KCNIP4: variants seen among roughly 807,000 people sequenced by gnomAD.
The protein encoded by KCNIP4 is Kv channel-interacting protein 4.
KCNIP4 carries 12 observed loss-of-function variants against 34.0 expected under a neutral mutation model. That is an observed-to-expected ratio of 0.35 (90% CI 0.23 to 0.57). The LOEUF (loss-of-function observed/expected upper bound fraction) is 0.57. KCNIP4 is among the 20% of genes least tolerant of loss of function. The pLI is 0.83. For missense variants in KCNIP4, 238 were observed against 311.7 expected (o/e 0.76, Z 1.78); for synonymous variants, 124 against 102.2 (o/e 1.21, Z -1.29).
At chr4:20,900,829 A>G (rs1255844646) in intron 1 of KCNIP4, among the ~76,000 whole-genome samples, 1 of 152,134 alleles carries the variant, frequency 6.6e-6, no homozygotes, top group Non-Finnish European at 1.5e-5. Flanking sequence ...ACACCCAAGG[A>G]TATAAAATTG....
At position 21,689,325 on chromosome 4, in the gene KCNIP4, A is replaced by T. The variant is rs556148266; in HGVS notation, c.61+259246T>A. On this transcript the variant is annotated intron_variant, in intron 1 of 8. Transcript: ENST00000382152. ...TTAATTTGAATAAAACTAATAGAAC[A>T]TCCTATAGATAACAGATCAGTAATA... Among the ~76,000 whole-genome samples the T allele has an allele frequency of 4.1e-4, 62 of 152,320 alleles. No homozygotes were observed. In the South Asian group the frequency reaches 8.3e-3, roughly 20 times the overall value.
intron 1 of KCNIP4, among the ~76,000 whole-genome samples, chr4:20,897,244 C>G (rs919784947): frequency 6.6e-6 from 1 of 152,168 alleles, no homozygotes; most frequent in East Asian, 1.9e-4. Flanking sequence ...AACCCACCGC[C>G]CCTAAATCTC....
At chr4:21,069,582 A>G (rs955452043) in intron 1 of KCNIP4, among the ~76,000 whole-genome samples, 2 of 152,154 alleles carry the variant, frequency 1.3e-5, no homozygotes, top group Admixed American at 6.6e-5. Context: ...TAAAACACAT[A>G]CCAGAAGTGG....
intron 1 of KCNIP4, among the ~76,000 whole-genome samples, chr4:21,883,830 C>T (rs550519535): frequency 1.1e-4 from 16 of 152,060 alleles, no homozygotes; most frequent in Non-Finnish European, 2.4e-4. Context: ...GATGAAACAA[C>T]CTTCAAATCG....
At chr4:21,240,809 C>T (rs538566151) in intron 1 of KCNIP4, among the ~76,000 whole-genome samples, 3 of 152,278 alleles carry the variant, frequency 2.0e-5, no homozygotes, top group African/African-American at 7.2e-5. Context: ...TTATAGGCAG[C>T]CATGCCTCAG....
At chr4:20,866,543 C>T (rs10030722) in intron 2 of KCNIP4, among the ~76,000 whole-genome samples, 72,737 of 151,834 alleles carry the variant, frequency 0.48, 19,714 homozygotes, top group African/African-American at 0.75. Context: ...AAACCCACAG[C>T]CAACATCATA....
intron 1 of KCNIP4, among the ~76,000 whole-genome samples, chr4:21,709,186 A>G (rs1166793094): frequency 6.6e-6 from 1 of 152,194 alleles, no homozygotes; most frequent in Non-Finnish European, 1.5e-5. Context: ...AGCATAATAA[A>G]AAAAGAATTA....
intron 1 of KCNIP4, among the ~76,000 whole-genome samples, chr4:21,528,691 G>T (rs979947956): frequency 5.6e-4 from 1 of 1,792 alleles, no homozygotes; most frequent in Admixed American, 9.4e-3. Context: ...AAGAAAGAAA[G>T]AAAGAAAGAA....
At chr4:21,769,218 T>C (rs1393072119) in intron 1 of KCNIP4, among the ~76,000 whole-genome samples, 2 of 152,144 alleles carry the variant, frequency 1.3e-5, no homozygotes, top group Admixed American at 1.3e-4. Context: ...GAAAACTGGA[T>C]ACTTTTATCA....
intron 1 of KCNIP4, among the ~76,000 whole-genome samples, chr4:21,524,551 T>TATTA (rs1735812229): frequency 6.6e-6 from 1 of 152,170 alleles, no homozygotes. Context: ...TTTTGGCTTT[T>TATTA]ACACCTGCTA....
chr4:21,353,593 A>C (rs1718249494), intron 1 of KCNIP4, among the ~76,000 whole-genome samples: 1 of 152,254 alleles, frequency 6.6e-6, no homozygotes, highest in African/African-American at 2.4e-5. Context: ...AGACAAGATT[A>C]GAGAAAAATA....
intron 1 of KCNIP4, among the ~76,000 whole-genome samples, chr4:21,108,714 C>G (rs1748830150): frequency 6.6e-6 from 1 of 151,448 alleles, no homozygotes; most frequent in Non-Finnish European, 1.5e-5. Flanking sequence ...CTGTTTTTTC[C>G]CCATCTTTGT....
intron 1 of KCNIP4, among the ~76,000 whole-genome samples, chr4:21,278,502 G>T (rs10938838): frequency 0.18 from 27,687 of 152,072 alleles, 3,670 homozygotes; most frequent in African/African-American, 0.37. Context: ...GCTCCATCCA[G>T]GTTGCCACAA....
At chr4:21,669,168 T>C (rs1199577393) in intron 1 of KCNIP4, among the ~76,000 whole-genome samples, 1 of 136,942 alleles carries the variant, frequency 7.3e-6, no homozygotes, top group Non-Finnish European at 1.6e-5. Flanking sequence ...CAGGGTCACC[T>C]AGGCTGGAGT....
chr4:20,751,139 A>G lies in KCNIP4; in HGVS notation c.359-1407T>C, dbSNP rs74733766. On this transcript the variant is annotated intron_variant, in intron 4 of 8. Coordinates refer to ENST00000382152, the MANE Select transcript of KCNIP4 (RefSeq NM_025221.6). Reference sequence around the variant, plus strand: ...TGTACACTCAATTTCTCAAAATGACAGTGGCATCTTCGCTCATCTCTCACC... The same window carrying G: ...TGTACACTCAATTTCTCAAAATGACGGTGGCATCTTCGCTCATCTCTCACC... Among the ~76,000 whole-genome samples, 350 of 152,334 alleles carry G rather than the reference A, an allele frequency of 2.3e-3. 7 individuals are homozygous for G. In the South Asian group the frequency reaches 0.046, roughly 20 times the overall value.
intron 1 of KCNIP4, among the ~76,000 whole-genome samples, chr4:21,051,327 A>G (rs1277141589): frequency 6.6e-6 from 1 of 151,418 alleles, no homozygotes; most frequent in Non-Finnish European, 1.5e-5. Context: ...ATAGAGAAAA[A>G]CCTCTTTCCT....
At chr4:21,497,455 C>T (rs920096893) in intron 1 of KCNIP4, among the ~76,000 whole-genome samples, 1 of 152,136 alleles carries the variant, frequency 6.6e-6, no homozygotes, top group African/African-American at 2.4e-5. Context: ...ATGCCCTCCC[C>T]TCTTCACATG....
At chr4:21,314,592 T>C (rs578091557) in intron 1 of KCNIP4, among the ~76,000 whole-genome samples, 94 of 152,274 alleles carry the variant, frequency 6.2e-4, no homozygotes, top group African/African-American at 2.1e-3. Flanking sequence ...TCAAACTATA[T>C]CTGAGGGGAG....
intron 1 of KCNIP4, among the ~76,000 whole-genome samples, chr4:21,389,213 T>C (rs1722311374): frequency 6.6e-6 from 1 of 152,056 alleles, no homozygotes; most frequent in Non-Finnish European, 1.5e-5. Context: ...AGTCCTGGGC[T>C]CAAGCAATCC....
Sources: allele counts gnomAD v4.1 joint callset (sites outside exome capture counted in the v4.1 genomes callset), GRCh38; gene constraint gnomAD v4.1.1; transcripts MANE v1.5; gene names NCBI Gene and HGNC (gene_info 2026-07-23, HGNC 2026-07-21).